GAN: variants seen among roughly 807,000 people sequenced by gnomAD.
GAN encodes the protein epididymis secretory sperm binding protein.
GAN carries 48 observed loss-of-function variants against 71.3 expected under a neutral mutation model. The observed-to-expected ratio is 0.67, with a 90% CI of 0.53 to 0.86. The LOEUF (loss-of-function observed/expected upper bound fraction) is 0.86, where lower values mean the gene tolerates loss of function less well. Ranked by LOEUF, GAN falls within the 40% of genes least tolerant of loss-of-function variation. GAN has a pLI of 0.00. For synonymous variants in GAN, 386 were observed against 276.8 expected (o/e 1.39, Z -3.92); for missense variants, 928 against 770.1 (o/e 1.21, Z -2.43).
intron 5 of GAN, among the ~76,000 whole-genome samples, chr16:81,358,255 T>G (rs923400884): frequency 1.3e-5 from 2 of 152,198 alleles, no homozygotes; most frequent in African/African-American, 4.8e-5. Context: ...AGCGTTTCTT[T>G]GCACCATGGT....
At chr16:81,326,295 A>G (rs1340479144) in intron 1 of GAN, among the ~76,000 whole-genome samples, 1 of 151,838 alleles carries the variant, frequency 6.6e-6, no homozygotes, top group Non-Finnish European at 1.5e-5. Context: ...AAGCGGGCAG[A>G]TCACCTGAGG....
chr16:81,333,998 A>T (rs1299924549), intron 1 of GAN, among the ~76,000 whole-genome samples: 1 of 152,186 alleles, frequency 6.6e-6, no homozygotes, highest in Non-Finnish European at 1.5e-5. Context: ...TTTCATTTGT[A>T]ATTCACACTT....
chr16:81,340,631 G>A (rs1394489187), intron 1 of GAN, among the ~76,000 whole-genome samples: 1 of 152,032 alleles, frequency 6.6e-6, no homozygotes, highest in Non-Finnish European at 1.5e-5. Context: ...CCCACCCATA[G>A]GTCACCAACA....
At chr16:81,366,253 C>T (rs1364380486) in intron 9 of GAN, among the ~76,000 whole-genome samples, 1 of 152,198 alleles carries the variant, frequency 6.6e-6, no homozygotes. Flanking sequence ...GCTCTGTATC[C>T]TGGCTTCCAG....
At chr16:81,364,055 A>C in intron 7 of GAN, 112 bp downstream of exon 7, 1 of 866,308 alleles carries the variant, frequency 1.2e-6, no homozygotes, top group South Asian at 1.3e-5. Context: ...TAAAAGAATT[A>C]ACTTTATAGA....
intron 9 of GAN, 100 bp downstream of exon 9, chr16:81,365,578 T>G: frequency 8.3e-7 from 1 of 1,205,230 alleles, no homozygotes. Context: ...CTTTATTAAA[T>G]TATGGATTTA....
intron 1 of GAN, among the ~76,000 whole-genome samples, chr16:81,316,929 GC>G (rs1472094119): frequency 4.6e-5 from 7 of 152,132 alleles, no homozygotes; most frequent in African/African-American, 1.7e-4. Context: ...CGTGATCTCG[GC>G]CCACTGCAAC....
intron 1 of GAN, among the ~76,000 whole-genome samples, chr16:81,335,610 G>A (rs1022941038): frequency 6.6e-6 from 1 of 152,054 alleles, no homozygotes; most frequent in Non-Finnish European, 1.5e-5. Flanking sequence ...AGCTGGGTGT[G>A]GTGGCGCACA....
intron 5 of GAN, among the ~76,000 whole-genome samples, 154 bp downstream of exon 5, chr16:81,358,085 G>A (rs1361472091): frequency 6.6e-6 from 1 of 152,090 alleles, no homozygotes; most frequent in Non-Finnish European, 1.5e-5. Context: ...CCGTGGTTAG[G>A]AAAACCGTAT....
At chr16:81,317,909 A>T (rs1181231390) in intron 1 of GAN, among the ~76,000 whole-genome samples, 2 of 152,024 alleles carry the variant, frequency 1.3e-5, no homozygotes, top group African/African-American at 4.8e-5. Flanking sequence ...ATCAGTCAAT[A>T]TGTGTTTCAT....
At chr16:81,349,539 GGGGCTGA>G (rs1910230833) in intron 1 of GAN, among the ~76,000 whole-genome samples, 1 of 152,250 alleles carries the variant, frequency 6.6e-6, no homozygotes, top group East Asian at 1.9e-4. Flanking sequence ...GGCTACTTGG[GGGGCTGA>G]GGCAGGAGAA....
intron 6 of GAN, among the ~76,000 whole-genome samples, 189 bp from the exon 7 acceptor site, chr16:81,363,605 G>C (rs991977040): frequency 4.6e-5 from 7 of 152,166 alleles, no homozygotes; most frequent in Non-Finnish European, 2.9e-5. Flanking sequence ...CAGTCTCCCA[G>C]GTACCAAGCG....
At chr16:81,325,106 A>G (rs1909342055) in intron 1 of GAN, among the ~76,000 whole-genome samples, 2 of 152,388 alleles carry the variant, frequency 1.3e-5, no homozygotes, top group South Asian at 2.1e-4. Context: ...CATCGTCACC[A>G]ACAGATGATG....
Position 81,365,016 on chromosome 16 carries a change from G to A in GAN, c.1279G>A (p.Gly427Ser). ...AAMKKKIYAM[G>S]GGSYGKLFES... ...TATGAAAAAGAAAATCTACGCCATG[G>A]GTGGAGGCTCCTACGGAAAGCTTTT... The change falls in exon 8 of 11, where the codon GGT becomes AGT. Residue 427 changes from glycine (G) to serine (S), a missense_variant. Gly to Ser is a moderately conservative substitution (Grantham distance 56). Transcript: ENST00000648994. 1 of 1,613,830 alleles carries A rather than the reference G, an allele frequency of 6.2e-7. No homozygotes were observed. The highest frequency in any genetic ancestry group is 8.5e-7 in the Non-Finnish European group (1 of 1,179,764).
chr16:81,345,169 C>T (rs1222352098), intron 1 of GAN, among the ~76,000 whole-genome samples: 1 of 152,182 alleles, frequency 6.6e-6, no homozygotes, highest in Non-Finnish European at 1.5e-5. Context: ...TAAATTAGTT[C>T]AACCATTGTG....
At chr16:81,315,520 G>T (rs898198596) in intron 1 of GAN, among the ~76,000 whole-genome samples, 12 of 152,114 alleles carry the variant, frequency 7.9e-5, no homozygotes, top group Admixed American at 7.9e-4. Context: ...GCGCCCCTTG[G>T]AGTTGTCCCC....
At chr16:81,354,232 C>A (rs1306147894) in intron 2 of GAN, among the ~76,000 whole-genome samples, 173 bp from the exon 3 acceptor site, 6 of 118,696 alleles carry the variant, frequency 5.1e-5, no homozygotes, top group African/African-American at 2.1e-4. Context: ...TGGTGCCTTC[C>A]AACTCTTGGA....
intron 1 of GAN, among the ~76,000 whole-genome samples, chr16:81,338,273 A>G (rs1210174815): frequency 6.6e-6 from 1 of 152,174 alleles, no homozygotes; most frequent in Non-Finnish European, 1.5e-5. Context: ...AATTGACATC[A>G]TGTAATAATT....
intron 1 of GAN, among the ~76,000 whole-genome samples, chr16:81,320,034 G>A (rs1235885041): frequency 6.6e-6 from 1 of 152,070 alleles, no homozygotes; most frequent in Non-Finnish European, 1.5e-5. Flanking sequence ...ACTTTATTGG[G>A]TATTCTGTTG....
Sources: gnomAD v4.1 joint callset for allele counts (sites outside exome capture counted in the v4.1 genomes callset) on GRCh38, gnomAD v4.1.1 for gene constraint, MANE v1.5 for transcripts, NCBI Gene and HGNC (gene_info 2026-07-23, HGNC 2026-07-21) for gene names.